TNKS: variants seen among roughly 807,000 people sequenced by gnomAD.
TNKS encodes the protein tankyrase, also known as poly [ADP-ribose] polymerase tankyrase-1.
TNKS carries 72 observed loss-of-function variants against 135.8 expected under a neutral mutation model. The observed-to-expected ratio is 0.53, with a 90% confidence interval of 0.44 to 0.64. The LOEUF is 0.64. TNKS is among the 30% of genes least tolerant of loss of function. The pLI is 0.00. For synonymous variants in TNKS, 849 were observed against 649.3 expected (o/e 1.31, Z -4.68); for missense variants, 1,769 against 1,674.0 (o/e 1.06, Z -0.99).
At chr8:9,685,821 GAATTCCATA>G (rs1358128219) in intron 5 of TNKS, among the ~76,000 whole-genome samples, 1 of 152,102 alleles carries the variant, frequency 6.6e-6, no homozygotes, top group Non-Finnish European at 1.5e-5. Flanking sequence ...GCCATATATG[GAATTCCATA>G]AACCCCATCC....
chr8:9,614,068 T>C (rs1380534893), intron 2 of TNKS, among the ~76,000 whole-genome samples: 1 of 152,236 alleles, frequency 6.6e-6, no homozygotes, highest in Non-Finnish European at 1.5e-5. Context: ...TTAGAGATAG[T>C]TATCAGCTTG....
At chr8:9,766,541 C>A (rs184160083) in intron 25 of TNKS, 116 bp downstream of exon 25, 3 of 949,610 alleles carry the variant, frequency 3.2e-6, no homozygotes, top group Non-Finnish European at 4.3e-6. Context: ...GGCTGGAGTG[C>A]GGTGGCACGA....
chr8:9,690,839 T>C (rs1803232176), intron 5 of TNKS, among the ~76,000 whole-genome samples: 1 of 152,206 alleles, frequency 6.6e-6, no homozygotes, highest in African/African-American at 2.4e-5. Context: ...AAGAACATCC[T>C]TTCTGAGGCT....
At chr8:9,576,407 A>G (rs1797945215) in intron 1 of TNKS, among the ~76,000 whole-genome samples, 1 of 151,958 alleles carries the variant, frequency 6.6e-6, no homozygotes, top group South Asian at 2.1e-4. Flanking sequence ...GCAAAGGGGA[A>G]GCAATCATGG....
At chr8:9,655,104 C>T (rs1001040989) in intron 3 of TNKS, among the ~76,000 whole-genome samples, 2 of 152,254 alleles carry the variant, frequency 1.3e-5, no homozygotes, top group Non-Finnish European at 2.9e-5. Context: ...TATCCTGCAC[C>T]TGGCTTGGAG....
chr8:9,735,933 T>G (rs1459090383), intron 17 of TNKS, among the ~76,000 whole-genome samples: 1 of 152,046 alleles, frequency 6.6e-6, no homozygotes, highest in East Asian at 1.9e-4. Flanking sequence ...TTTAATCTTT[T>G]GTTCAGAGTT....
At chr8:9,615,559 C>T (rs2128765415) in intron 2 of TNKS, 23 bp from the exon 3 acceptor site, 1 of 1,598,020 alleles carries the variant, frequency 6.3e-7, no homozygotes, top group Non-Finnish European at 8.6e-7. Flanking sequence ...AGGTAAGATA[C>T]TGTTTCTGCT....
chr8:9,594,521 C>G (rs975483084), intron 2 of TNKS, among the ~76,000 whole-genome samples: 3 of 152,134 alleles, frequency 2.0e-5, no homozygotes, highest in Non-Finnish European at 4.4e-5. Flanking sequence ...TTCTGTTGGA[C>G]AGTGCTGTTA....
intron 13 of TNKS, among the ~76,000 whole-genome samples, chr8:9,730,199 A>G (rs960890934): frequency 2.6e-5 from 4 of 152,144 alleles, no homozygotes; most frequent in African/African-American, 7.2e-5. Flanking sequence ...GGAGCTTACA[A>G]TTTAGATTGT....
At chr8:9,734,004 A>T (rs1395002337) in intron 15 of TNKS, among the ~76,000 whole-genome samples, 1 of 151,968 alleles carries the variant, frequency 6.6e-6, no homozygotes, top group Admixed American at 6.6e-5. Flanking sequence ...ATTTTTAAAA[A>T]ACGACCAGAT....
chr8:9,673,287 G>A (rs998215178), intron 3 of TNKS, among the ~76,000 whole-genome samples: 2 of 151,950 alleles, frequency 1.3e-5, no homozygotes, highest in Admixed American at 6.6e-5. Context: ...TTTTTGAAAT[G>A]TTTTAGGACA....
At chr8:9,721,047 C>T (rs1030213367) in intron 12 of TNKS, among the ~76,000 whole-genome samples, 4 of 151,694 alleles carry the variant, frequency 2.6e-5, no homozygotes, top group African/African-American at 4.8e-5. Context: ...TTTGGGATGC[C>T]GAGGCAGGCA....
chr8:9,601,768 T>G (rs529525055), intron 2 of TNKS, among the ~76,000 whole-genome samples: 1 of 152,334 alleles, frequency 6.6e-6, no homozygotes, highest in East Asian at 1.9e-4. Flanking sequence ...ACCTTAAATT[T>G]AGAAGGATAC....
intron 13 of TNKS, 47 bp downstream of exon 13, chr8:9,726,767 TAACCA>T: frequency 1.4e-6 from 2 of 1,442,174 alleles, no homozygotes; most frequent in Non-Finnish European, 9.6e-7. Context: ...TGAACTTTGC[TAACCA>T]ATTCATTTTT....
At chr8:9,631,140 A>G (rs1299368397) in intron 3 of TNKS, among the ~76,000 whole-genome samples, 2 of 152,236 alleles carry the variant, frequency 1.3e-5, no homozygotes, top group Admixed American at 6.5e-5. Context: ...ACTGATTTCA[A>G]ATATCTCATC....
In TNKS at chr8:9,583,602, C is replaced by T. The variant is rs376041648; in HGVS notation, c.898+3219C>T. ...CTCCTGGGTTCAAGTGATTCTCCTGCCTCAGCCTCCCAAGTAGCTGGGACT... is the reference window on the plus strand; with the variant it reads ...CTCCTGGGTTCAAGTGATTCTCCTGTCTCAGCCTCCCAAGTAGCTGGGACT... On this transcript the variant is annotated intron_variant, in intron 2 of 26. Transcript: ENST00000310430. Among the ~76,000 whole-genome samples the T allele has an allele frequency of 3.6e-4, 54 of 151,894 alleles. 2 individuals are homozygous for T. The highest frequency in any genetic ancestry group is 2.2e-3 in the Admixed American group (33 of 15,272).
chr8:9,698,321 C>T (rs1235734730), intron 5 of TNKS, among the ~76,000 whole-genome samples: 1 of 132,292 alleles, frequency 7.6e-6, no homozygotes, highest in Non-Finnish European at 1.6e-5. Flanking sequence ...GCAGTATACC[C>T]ATGTAACAAA....
chr8:9,648,341 C>G (rs1339556969), intron 3 of TNKS, among the ~76,000 whole-genome samples: 1 of 151,982 alleles, frequency 6.6e-6, no homozygotes, highest in Non-Finnish European at 1.5e-5. Context: ...ACACATTGTA[C>G]AGCTGTACAA....
chr8:9,594,084 G>A (rs940466664), intron 2 of TNKS, among the ~76,000 whole-genome samples: 4 of 151,922 alleles, frequency 2.6e-5, no homozygotes, highest in South Asian at 2.1e-4. Flanking sequence ...ATGGGGTTTC[G>A]CCATTTTGGC....
Sources: allele counts gnomAD v4.1 joint callset (sites outside exome capture counted in the v4.1 genomes callset), GRCh38; gene constraint gnomAD v4.1.1; transcripts MANE v1.5; gene names NCBI Gene and HGNC (gene_info 2026-07-23, HGNC 2026-07-21).